The following GRIP1 variants were observed in gnomAD, a reference collection of about 807,000 sequenced individuals.
GRIP1 encodes the protein glutamate receptor interacting protein 1.
A neutral mutation model predicts 129.9 loss-of-function variants in GRIP1; 45 were observed. The ratio of observed to expected loss-of-function variants is 0.35; its 90% CI spans 0.27 to 0.44. The LOEUF is 0.44. GRIP1 is among the 20% of genes least tolerant of loss of function. The pLI is 1.00. For missense variants in GRIP1, 1,196 were observed against 1,396.8 expected (o/e 0.86, Z 2.29); for synonymous variants, 530 against 520.8 (o/e 1.02, Z -0.24).
At chr12:67,052,482 G>A (rs113949254) in intron 1 of GRIP1, among the ~76,000 whole-genome samples, 3,267 of 152,186 alleles carry the variant, frequency 0.021, 52 homozygotes, top group Middle Eastern at 0.051. Flanking sequence ...ACAACAGGCC[G>A]GGCGCAGTGA....
intron 1 of GRIP1, among the ~76,000 whole-genome samples, chr12:66,752,320 T>C (rs1268450900): frequency 6.6e-6 from 1 of 152,174 alleles, no homozygotes; most frequent in African/African-American, 2.4e-5. Flanking sequence ...TCATTAACCT[T>C]CTGTTTTCAA....
At chr12:66,971,739 A>G (rs1168244036) in intron 1 of GRIP1, among the ~76,000 whole-genome samples, 3 of 152,250 alleles carry the variant, frequency 2.0e-5, no homozygotes, top group Non-Finnish European at 4.4e-5. Flanking sequence ...GTAACAAGGT[A>G]GTTTAGCAAA....
At chr12:66,525,033 A>C (rs1181757544) in intron 5 of GRIP1, among the ~76,000 whole-genome samples, 2 of 152,216 alleles carry the variant, frequency 1.3e-5, no homozygotes, top group Non-Finnish European at 2.9e-5. Flanking sequence ...TTGTGGCAAT[A>C]ATCAGTAGCT....
intron 1 of GRIP1, among the ~76,000 whole-genome samples, chr12:66,995,578 T>G (rs7967716): frequency 0.56 from 84,965 of 151,304 alleles, 24,519 homozygotes; most frequent in Non-Finnish European, 0.62. Context: ...GGCAAATGGC[T>G]ACATGAAAAG....
intron 1 of GRIP1, among the ~76,000 whole-genome samples, chr12:66,899,192 C>T (rs1052086497): frequency 2.6e-5 from 4 of 152,004 alleles, no homozygotes; most frequent in Admixed American, 6.6e-5. Flanking sequence ...CATTAGCAGT[C>T]CCATAGAAAG....
chr12:66,601,986 C>T (rs1326598874), intron 1 of GRIP1, among the ~76,000 whole-genome samples: 3 of 152,112 alleles, frequency 2.0e-5, no homozygotes, highest in African/African-American at 7.2e-5. Flanking sequence ...GATTACCCGA[C>T]GGGGTGAGTG....
At chr12:67,023,716 T>C (rs1242887406) in intron 1 of GRIP1, among the ~76,000 whole-genome samples, 1 of 152,114 alleles carries the variant, frequency 6.6e-6, no homozygotes, top group African/African-American at 2.4e-5. Context: ...ATCCAAAACT[T>C]CCACTCTCAC....
chr12:67,041,392 A>G (rs2135813499), intron 1 of GRIP1, among the ~76,000 whole-genome samples: 2 of 152,220 alleles, frequency 1.3e-5, no homozygotes, highest in African/African-American at 4.8e-5. Flanking sequence ...ACACATATAT[A>G]TGGAGAGAGA....
At chr12:66,675,205 G>A (rs1260803722) in intron 1 of GRIP1, among the ~76,000 whole-genome samples, 3 of 152,174 alleles carry the variant, frequency 2.0e-5, no homozygotes, top group South Asian at 2.1e-4. Context: ...GAGAGGGTGG[G>A]TGGCAGCAAA....
At chr12:66,527,251 C>T (rs1234321202) in intron 5 of GRIP1, among the ~76,000 whole-genome samples, 7 of 150,964 alleles carry the variant, frequency 4.6e-5, no homozygotes, top group African/African-American at 1.2e-4. Context: ...GCACTATTCA[C>T]GATAGCAAAG....
At chr12:66,777,367 C>G (rs1282128489) in intron 1 of GRIP1, among the ~76,000 whole-genome samples, 1 of 152,134 alleles carries the variant, frequency 6.6e-6, no homozygotes. Flanking sequence ...CTGTAACTAA[C>G]CCCCTTGAAT....
chr12:66,759,177 TTCCCAAAAC>T (rs2136659754), intron 1 of GRIP1, among the ~76,000 whole-genome samples: 1 of 152,242 alleles, frequency 6.6e-6, no homozygotes, highest in South Asian at 2.1e-4. Flanking sequence ...TAGGCGGAGG[TTCCCAAAAC>T]TCAAATTTTG....
At chr12:66,628,765 G>A (rs1032783065) in intron 1 of GRIP1, among the ~76,000 whole-genome samples, 3 of 152,198 alleles carry the variant, frequency 2.0e-5, no homozygotes, top group Non-Finnish European at 4.4e-5. Context: ...GGCCGGGGAC[G>A]CTGCTAAACA....
At chr12:66,833,671 T>C (rs2039558336) in intron 1 of GRIP1, among the ~76,000 whole-genome samples, 2 of 152,266 alleles carry the variant, frequency 1.3e-5, no homozygotes, top group African/African-American at 4.8e-5. Flanking sequence ...ATTTTGATTG[T>C]TGTCATCATT....
intron 1 of GRIP1, among the ~76,000 whole-genome samples, chr12:66,939,439 A>G (rs2041547519): frequency 6.6e-6 from 1 of 152,162 alleles, no homozygotes; most frequent in Non-Finnish European, 1.5e-5. Flanking sequence ...CCTGCCCTCA[A>G]ATTGTTCTCA....
intron 2 of GRIP1, among the ~76,000 whole-genome samples, chr12:66,587,204 T>C (rs1434573577): frequency 6.6e-6 from 1 of 152,248 alleles, no homozygotes; most frequent in Non-Finnish European, 1.5e-5. Context: ...TTTTTCTGCC[T>C]TCAGGGACTT....
At chr12:66,408,145 AT>A (rs1420127774) in intron 15 of GRIP1, among the ~76,000 whole-genome samples, 2 of 152,134 alleles carry the variant, frequency 1.3e-5, no homozygotes, top group Non-Finnish European at 2.9e-5. Context: ...TCCTGGCAGC[AT>A]TTTTCACCTG....
intron 23 of GRIP1, among the ~76,000 whole-genome samples, chr12:66,367,579 A>G (rs1389859403): frequency 6.6e-6 from 1 of 152,226 alleles, no homozygotes; most frequent in Non-Finnish European, 1.5e-5. Context: ...TCCTCAGACT[A>G]TTGGTTGAGA....
intron 2 of GRIP1, among the ~76,000 whole-genome samples, chr12:66,543,039 C>T (rs1429045522): frequency 3.9e-5 from 6 of 152,110 alleles, no homozygotes; most frequent in Admixed American, 3.9e-4. Context: ...AAATGTGTAT[C>T]ATAAAGGTTT....
Sources: allele counts gnomAD v4.1 joint callset (sites outside exome capture counted in the v4.1 genomes callset), GRCh38; gene constraint gnomAD v4.1.1; transcripts MANE v1.5; gene names NCBI Gene and HGNC (gene_info 2026-07-23, HGNC 2026-07-21).